The following TASP1 variants were observed in gnomAD, a reference collection of about 807,000 sequenced individuals.
The protein encoded by TASP1 is taspase 1, also known as threonine aspartase 1.
A neutral mutation model predicts 56.6 loss-of-function variants in TASP1; 16 were observed. That is an observed-to-expected ratio of 0.28 (90% CI 0.19 to 0.43). The LOEUF (loss-of-function observed/expected upper bound fraction) is 0.43, where lower values mean the gene tolerates loss of function less well. TASP1 is among the 20% of genes least tolerant of loss of function. The pLI, the probability that TASP1 is intolerant of heterozygous loss-of-function variation, is 1.00. For synonymous variants in TASP1, 179 were observed against 184.2 expected (o/e 0.97, Z 0.23); for missense variants, 393 against 511.6 (o/e 0.77, Z 2.24).
chr20:13,195,286 C>T, the TASP1 span, among the ~76,000 whole-genome samples: 1 of 152,190 alleles, frequency 6.6e-6, no homozygotes, highest in Non-Finnish European at 1.5e-5. Context: ...TGCATAACCA[C>T]CTAGATTTAC....
At chr20:13,394,018 C>T (rs1055547796) in intron 13 of TASP1, among the ~76,000 whole-genome samples, 3 of 152,264 alleles carry the variant, frequency 2.0e-5, no homozygotes, top group Admixed American at 2.0e-4. Flanking sequence ...TGGTGGCTCA[C>T]GCCTGTAATC....
At chr20:13,253,616 G>A in the TASP1 span, among the ~76,000 whole-genome samples, 1 of 152,028 alleles carries the variant, frequency 6.6e-6, no homozygotes, top group Non-Finnish European at 1.5e-5. Context: ...CCTGCTGCTG[G>A]GCCCCACCCC....
intron 13 of TASP1, among the ~76,000 whole-genome samples, chr20:13,396,426 G>A (rs1476732229): frequency 1.3e-5 from 2 of 152,106 alleles, no homozygotes; most frequent in African/African-American, 4.8e-5. Flanking sequence ...ATATTTTATA[G>A]AATAAAAATC....
intron 8 of TASP1, among the ~76,000 whole-genome samples, chr20:13,536,087 C>A (rs1475946122): frequency 6.6e-6 from 1 of 152,096 alleles, no homozygotes; most frequent in African/African-American, 2.4e-5. Flanking sequence ...GTTAGTTCCC[C>A]AGATGCCAAG....
At chr20:13,319,659 C>T in the TASP1 span, among the ~76,000 whole-genome samples, 1 of 152,178 alleles carries the variant, frequency 6.6e-6, no homozygotes, top group South Asian at 2.1e-4. Flanking sequence ...TCTAAGGTTG[C>T]TATAATGCCT....
chr20:13,519,006 C>T (rs1173555852), intron 10 of TASP1, among the ~76,000 whole-genome samples: 1 of 151,558 alleles, frequency 6.6e-6, no homozygotes, highest in African/African-American at 2.4e-5. Context: ...CAGAAAAGAA[C>T]AAAAAAAATA....
chr20:13,406,669 T>TC (rs2041934061), intron 13 of TASP1, among the ~76,000 whole-genome samples: 1 of 41,380 alleles, frequency 2.4e-5, no homozygotes, highest in South Asian at 7.1e-4. Context: ...GGGTTTTTTC[T>TC]TTTTTTTTTT....
the TASP1 span, chr20:13,167,161 A>T: frequency 6.6e-6 from 1 of 152,214 alleles, no homozygotes; most frequent in Non-Finnish European, 1.5e-5. Context: ...CATATAGAAT[A>T]AGGTTAATTA....
chr20:13,182,844 A>C, the TASP1 span, among the ~76,000 whole-genome samples: 1 of 152,226 alleles, frequency 6.6e-6, no homozygotes, highest in Non-Finnish European at 1.5e-5. Context: ...CATATCAGTG[A>C]TTTACATGAC....
At chr20:13,189,697 G>A in the TASP1 span, among the ~76,000 whole-genome samples, 3 of 152,148 alleles carry the variant, frequency 2.0e-5, no homozygotes, top group Non-Finnish European at 4.4e-5. Context: ...CTTATACACT[G>A]TCAATGGGAT....
At chr20:13,549,528 A>G (rs1300488487) in intron 8 of TASP1, among the ~76,000 whole-genome samples, 2 of 151,960 alleles carry the variant, frequency 1.3e-5, no homozygotes, top group African/African-American at 4.8e-5. Flanking sequence ...CAGCATCACC[A>G]TGTCTATGAT....
intron 8 of TASP1, among the ~76,000 whole-genome samples, chr20:13,540,045 T>C (rs1384667274): frequency 3.3e-5 from 5 of 152,198 alleles, no homozygotes; most frequent in African/African-American, 1.2e-4. Context: ...CTTTAAATCA[T>C]TTCTATTCTC....
the TASP1 span, among the ~76,000 whole-genome samples, chr20:13,238,554 C>T: frequency 1.3e-5 from 2 of 152,148 alleles, no homozygotes; most frequent in Non-Finnish European, 2.9e-5. Flanking sequence ...ATCTCACAGA[C>T]TTATTAGCAT....
At chr20:13,296,150 G>A in the TASP1 span, among the ~76,000 whole-genome samples, 1 of 152,254 alleles carries the variant, frequency 6.6e-6, no homozygotes, top group South Asian at 2.1e-4. Flanking sequence ...TGGGGCAGAT[G>A]ACCCACCCAC....
At chr20:13,477,327 T>G (rs1307987260) in intron 11 of TASP1, among the ~76,000 whole-genome samples, 4 of 152,100 alleles carry the variant, frequency 2.6e-5, no homozygotes, top group South Asian at 4.1e-4. Context: ...ATATTCCACA[T>G]GGAATTTTCC....
chr20:13,588,363 C>T (rs1240131260), intron 4 of TASP1, among the ~76,000 whole-genome samples: 1 of 146,652 alleles, frequency 6.8e-6, no homozygotes, highest in Non-Finnish European at 1.5e-5. Flanking sequence ...GTAGGTAGGT[C>T]TAGATTGGAA....
the TASP1 span, among the ~76,000 whole-genome samples, chr20:13,296,089 C>T: frequency 1.4e-3 from 211 of 152,280 alleles, 1 homozygote; most frequent in Middle Eastern, 3.4e-3. Flanking sequence ...CCCCACATTC[C>T]ACCACAGTTG....
chr20:13,131,197 A>G, the TASP1 span, among the ~76,000 whole-genome samples: 1 of 152,182 alleles, frequency 6.6e-6, no homozygotes, highest in Non-Finnish European at 1.5e-5. Context: ...TTTTTCAAGT[A>G]ATCAATCAAC....
chr20:13,542,338 A>G (rs895299381), intron 8 of TASP1, among the ~76,000 whole-genome samples: 3 of 152,184 alleles, frequency 2.0e-5, no homozygotes, highest in African/African-American at 4.8e-5. Flanking sequence ...AGGAAATACA[A>G]TATTTCTAAA....
Sources: gnomAD v4.1 joint callset for allele counts (sites outside exome capture counted in the v4.1 genomes callset) on GRCh38, gnomAD v4.1.1 for gene constraint, MANE v1.5 for transcripts, NCBI Gene and HGNC (gene_info 2026-07-23, HGNC 2026-07-21) for gene names.